The following MARK4 variants were observed in gnomAD, a reference collection of about 807,000 sequenced individuals.
MARK4 encodes MAP/microtubule affinity-regulating kinase 4.
Under a neutral mutation model 81.5 loss-of-function variants are expected in MARK4, and 19 were observed. The ratio of observed to expected loss-of-function variants is 0.23; its 90% CI spans 0.16 to 0.34. The LOEUF (loss-of-function observed/expected upper bound fraction) is 0.34. Ranked by LOEUF, MARK4 falls within the 10% of genes least tolerant of loss-of-function variation. MARK4 has a pLI of 1.00. For synonymous variants in MARK4, 436 were observed against 439.0 expected, an observed-to-expected ratio of 0.99 and a Z score of 0.08; for missense variants, 772 against 1,058.8, an observed-to-expected ratio of 0.73 and a Z score of 3.76.
At chr19:45,282,031 C>T (rs1426370530) in intron 12 of MARK4, among the ~76,000 whole-genome samples, 40 of 152,044 alleles carry the variant, frequency 2.6e-4, no homozygotes, top group South Asian at 6.2e-4. Context: ...TGAGACCGGC[C>T]TGGCCAACAT....
At position 45,264,710 on chromosome 19, in the gene MARK4, G is replaced by C; in HGVS notation, c.382G>C (p.Glu128Gln). The C allele has an allele frequency of 2.5e-6, 4 of 1,614,100 alleles. No individual in the cohort carries two copies. Among genetic ancestry groups the C allele is most frequent in the Non-Finnish European group, 2.5e-6 (3 of 1,180,030 alleles). Residue 128 changes from glutamate to glutamine, a missense_variant, in exon 5 of 17, where the codon GAG (glutamate) becomes CAG (glutamine). By Grantham distance (29) the Glu-to-Gln change is conservative (BLOSUM62 2). Coordinates refer to ENST00000262891, the MANE Select transcript of MARK4 (RefSeq NM_001199867.2). ...IVKLFEVIET[E>Q]KTLYLVMEYA... ...GAAGCTCTTTGAGGTGATTGAGACT[G>C]AGAAGACGCTGTACCTGGTGATGGA...
chr19:45,303,518 G>A lies in MARK4; in HGVS notation c.*808G>A, dbSNP rs1971007983. On this transcript the variant is annotated 3_prime_UTR_variant, in exon 17 of 17. Transcript: ENST00000262891. ...CGGTGGGGGTGGGAAGGTAAGGATG[G>A]TCGTGGAAGAAGGCAGGATGGAACT... is the stretch of plus-strand genomic sequence containing the variant. 6.6e-6 allele frequency: 1 copy of A among 152,146 alleles called. No individual in the cohort carries two copies. Among genetic ancestry groups the A allele is most frequent in the African/African-American group, 2.4e-5 (1 of 41,422 alleles). The allele number at this position is 152,146 out of a possible 1,614,324, so 9.4% of individuals were successfully genotyped here. A position where few individuals can be genotyped will look rare whatever the true frequency, so the allele number is the denominator to read the frequency against.
At chr19:45,265,580 G>C (rs373316153) in intron 6 of MARK4, among the ~76,000 whole-genome samples, 1 of 151,392 alleles carries the variant, frequency 6.6e-6, no homozygotes. Flanking sequence ...GCAGGTATAA[G>C]GGTGCCCAGG....
At position 45,302,669 on chromosome 19, in the gene MARK4, C is replaced by G; in HGVS notation, c.2218C>G (p.Arg740Gly). 6.5e-7 allele frequency: 1 copy of G among 1,537,440 alleles called. No homozygotes were observed. The highest frequency in any genetic ancestry group is 8.7e-7 in the Non-Finnish European group (1 of 1,147,402). ...TGTGGCGGGCACCGCCCTGGCCTTC[C>G]GCACCCTCGTCACCCGCATCTCCAA... ...RRVAGTALAFRTLVTRISNDL... is the reference protein window; with the variant it reads ...RRVAGTALAFGTLVTRISNDL... Residue 740 changes from arginine to glycine, a missense_variant, in exon 17 of 17, where the codon CGC becomes GGC. Arg to Gly is a moderately radical substitution (Grantham distance 125). Coordinates refer to ENST00000262891, the MANE Select transcript of MARK4 (RefSeq NM_001199867.2). The surrounding 1 kb of genome is among the most constrained non-coding windows in gnomAD (Gnocchi z 4.9).
intron 9 of MARK4, 46 bp downstream of exon 9, chr19:45,278,088 C>G (rs374534447): frequency 1.2e-5 from 20 of 1,603,382 alleles, no homozygotes; most frequent in Admixed American, 5.2e-5. Context: ...AGTCTCCTGA[C>G]TCCCCTAAAC....
Position 45,271,343 on chromosome 19 carries a change from G to GT in MARK4, c.550-128dup, listed in dbSNP as rs1393915592. On this transcript the variant is annotated intron_variant, in intron 7 of 16. Coordinates refer to ENST00000262891, the MANE Select transcript of MARK4 (RefSeq NM_001199867.2). The surrounding 1 kb of genome is among the most constrained non-coding windows in gnomAD (Gnocchi z 4.1). Reference sequence around the variant, plus strand: ...GTTACTACCTAAGGTCAGGTAGAGAGTAAAGGACAGGCCCAAGAGTTGATC... The same window carrying GT: ...GTTACTACCTAAGGTCAGGTAGAGAGTTAAAGGACAGGCCCAAGAGTTGATC... 3.5e-6 allele frequency: 3 copies of GT among 847,678 alleles called. No individual in the cohort carries two copies. The highest frequency in any genetic ancestry group is 5.7e-6 in the Non-Finnish European group (3 of 526,712). The allele number at this position is 847,678 out of a possible 1,614,324, so 52.5% of individuals were successfully genotyped here.
At chr19:45,294,676 C>T (rs1463001373) in intron 14 of MARK4, among the ~76,000 whole-genome samples, 11 of 152,290 alleles carry the variant, frequency 7.2e-5, no homozygotes, top group Admixed American at 6.5e-4. Context: ...CCCTGTTCTC[C>T]GCCTACAAGC....
chr19:45,263,246 GCCCGGCTGGGGAAAGGATC>G (rs1970403662), intron 3 of MARK4, 54 bp from the exon 4 acceptor site: 1 of 1,613,514 alleles, frequency 6.2e-7, no homozygotes, highest in African/African-American at 1.3e-5. Flanking sequence ...TCCTGCGGGG[GCCCGGCTGGGGAAAGGATC>G]CCCCAAGCCA....
intron 14 of MARK4, among the ~76,000 whole-genome samples, chr19:45,295,694 G>T (rs141274270): frequency 2.6e-5 from 4 of 152,050 alleles, no homozygotes; most frequent in African/African-American, 9.7e-5. Flanking sequence ...CAGGAGAATC[G>T]CTTGAACCTG....
intron 8 of MARK4, among the ~76,000 whole-genome samples, chr19:45,272,103 G>C (rs904132101): frequency 1.3e-5 from 2 of 151,984 alleles, no homozygotes; most frequent in Admixed American, 1.3e-4. Flanking sequence ...AGGCGGAGGC[G>C]GGAGGCTCAC....
At chr19:45,299,396 CAG>C (rs1445635550) in intron 15 of MARK4, among the ~76,000 whole-genome samples, 1 of 152,102 alleles carries the variant, frequency 6.6e-6, no homozygotes, top group Non-Finnish European at 1.5e-5. Context: ...TCCTGCATGA[CAG>C]AGTGAGACTC....
chr19:45,274,065 C>T (rs866308343), intron 8 of MARK4, among the ~76,000 whole-genome samples: 1 of 151,664 alleles, frequency 6.6e-6, no homozygotes, highest in East Asian at 2.0e-4. Flanking sequence ...CTGGCTAACA[C>T]ACTGAAACCC....
At chr19:45,285,799 C>T (rs1970735608) in intron 12 of MARK4, among the ~76,000 whole-genome samples, 1 of 152,170 alleles carries the variant, frequency 6.6e-6, no homozygotes, top group Non-Finnish European at 1.5e-5. Context: ...GCATGTATCG[C>T]TCCTGAGGAT....
Position 45,280,398 on chromosome 19 carries a change from C to A in MARK4, c.1031C>A (p.Thr344Lys), listed in dbSNP as rs767675987. ...RIEVMVGMGY[T>K]REEIKESLTS... ...GAGGTGATGGTGGGTATGGGCTACA[C>A]ACGGGAAGAAATCAAAGAGTCCTTG... The change falls in exon 11 of 17, where the codon ACA (threonine) becomes AAA (lysine). Residue 344 changes from threonine to lysine, a missense_variant. By Grantham distance (78) the Thr-to-Lys change is moderately conservative (BLOSUM62 -1). Transcript: ENST00000262891. The A allele has an allele frequency of 1.2e-6, 2 of 1,614,152 alleles. No individual in the cohort carries two copies. Among genetic ancestry groups the A allele is most frequent in the East Asian group, 4.5e-5 (2 of 44,888 alleles).
Position 45,280,821 on chromosome 19 carries a change from C to T in MARK4, c.1276+87C>T. The T allele has an allele frequency of 2.6e-6, 4 of 1,542,558 alleles. No homozygotes were observed. The South Asian group carries it at 4.8e-5, about 18-fold the overall frequency. On this transcript the variant is annotated intron_variant, in intron 12 of 16. Transcript: ENST00000262891. ...ACGTCAGGGTTCTCTGATTGGCAAG[C>T]AACAGAAACCCACTGGAGCTAACCT...
At chr19:45,269,170 G>A (rs534235800) in intron 7 of MARK4, among the ~76,000 whole-genome samples, 1 of 152,252 alleles carries the variant, frequency 6.6e-6, no homozygotes, top group South Asian at 2.1e-4. Context: ...CCTGAGGTCA[G>A]GAGTTCGAGA....
chr19:45,292,288 G>C (rs1970830110), intron 13 of MARK4, among the ~76,000 whole-genome samples: 1 of 151,648 alleles, frequency 6.6e-6, no homozygotes, highest in Non-Finnish European at 1.5e-5. Flanking sequence ...AAGAGAAAAA[G>C]GGTGGAGGCA....
At chr19:45,297,015 C>T (rs1011175426) in intron 14 of MARK4, among the ~76,000 whole-genome samples, 1 of 145,056 alleles carries the variant, frequency 6.9e-6, no homozygotes, top group African/African-American at 2.6e-5. Context: ...CCCCATGGCC[C>T]TTCAGCCTAG....
intron 9 of MARK4, 147 bp from the exon 10 acceptor site, chr19:45,278,369 G>C: frequency 6.7e-6 from 5 of 744,424 alleles, no homozygotes; most frequent in Non-Finnish European, 6.9e-6. Context: ...GGACGTGGGG[G>C]AGAGAGAGGC....
Sources: gnomAD v4.1 joint callset for allele counts (sites outside exome capture counted in the v4.1 genomes callset) on GRCh38, gnomAD v4.1.1 for gene constraint, Gnocchi (gnomAD v3.1) non-coding constraint, MANE v1.5 for transcripts, NCBI Gene and HGNC (gene_info 2026-07-23, HGNC 2026-07-21) for gene names.